Variants in MED12L observed in about 807,000 individuals in gnomAD.
The protein encoded by MED12L is mediator of RNA polymerase II transcription subunit 12-like protein.
Under a neutral mutation model 281.3 loss-of-function variants are expected in MED12L, and 60 were observed. The observed-to-expected ratio is 0.21, with a 90% CI of 0.17 to 0.26. MED12L has a LOEUF of 0.26. Among genes scored for constraint, MED12L ranks in the 10% least tolerant of loss-of-function variants. The pLI, the probability that MED12L is intolerant of heterozygous loss-of-function variation, is 1.00. For missense variants in MED12L, 2,146 were observed against 2,680.9 expected, an observed-to-expected ratio of 0.80 and a Z score of 4.41; for synonymous variants, 974 against 987.2, an observed-to-expected ratio of 0.99 and a Z score of 0.25.
rs529471592 is a variant in MED12L at position 151,357,922 on chromosome 3, C to T, written c.2825+546C>T. Among the ~76,000 whole-genome samples, 4 of 152,302 alleles carry T rather than the reference C, an allele frequency of 2.6e-5. No homozygotes were observed. In the South Asian group the frequency reaches 8.3e-4, roughly 32 times the overall value. ...CTACAGAATTAGCTAATACCACCCC[C>T]ATTAAAGACTGAGGCTAAGGCACCA... On this transcript the variant is annotated intron_variant, in intron 20 of 44. Transcript: ENST00000687756.
intron 3 of MED12L, among the ~76,000 whole-genome samples, chr3:151,121,369 C>T (rs1293957713): frequency 1.3e-5 from 2 of 152,180 alleles, no homozygotes; most frequent in Non-Finnish European, 2.9e-5. Flanking sequence ...TACGTTAACA[C>T]ACCAAAACCA....
chr3:151,436,505 TTAAA>T lies in MED12L; in HGVS notation c.*3707_*3710del, dbSNP rs1720240394. ...AGTTAAAAGTTTGTTTTGAGATCCA[TTAAA>T]TAAATCAGTATCATCAGTTCATAAT... On this transcript the variant is annotated 3_prime_UTR_variant, in exon 45 of 45. Coordinates refer to ENST00000687756, the MANE Select transcript of MED12L (RefSeq NM_001393769.1). 3 of 482,372 alleles carry T rather than the reference TTAAA, an allele frequency of 6.2e-6. No homozygotes were observed. The highest frequency in any genetic ancestry group is 3.3e-5 in the East Asian group (1 of 30,608). 29.9% of individuals were successfully genotyped at this position (482,372 alleles called of 1,614,324 possible). A position where few individuals can be genotyped will look rare whatever the true frequency, so the allele number is the denominator to read the frequency against.
chr3:151,330,889 GA>G (rs1011486094), intron 16 of MED12L, among the ~76,000 whole-genome samples: 146 of 151,646 alleles, frequency 9.6e-4, no homozygotes, highest in African/African-American at 3.3e-3. Flanking sequence ...TTCAGCAGAG[GA>G]AAAAAAATCC....
At chr3:151,378,640 A>G (rs545574711) in intron 31 of MED12L, among the ~76,000 whole-genome samples, 1 of 152,126 alleles carries the variant, frequency 6.6e-6, no homozygotes, top group Non-Finnish European at 1.5e-5. Context: ...GGCCACCACA[A>G]CTAATGTTTT....
At chr3:151,418,543 T>G (rs1717885077) in intron 43 of MED12L, among the ~76,000 whole-genome samples, 1 of 152,222 alleles carries the variant, frequency 6.6e-6, no homozygotes, top group South Asian at 2.1e-4. Context: ...TTTATCTGCC[T>G]AGATTAATCA....
At chr3:151,178,390 TAGG>T in intron 11 of MED12L, among the ~76,000 whole-genome samples, 1 of 140,112 alleles carries the variant, frequency 7.1e-6, no homozygotes. Context: ...GCATGTTACA[TAGG>T]AGTAAATATT....
At chr3:151,335,854 A>C (rs1380913517) in intron 16 of MED12L, among the ~76,000 whole-genome samples, 6 of 152,356 alleles carry the variant, frequency 3.9e-5, no homozygotes, top group Non-Finnish European at 8.8e-5. Context: ...CTCATAAAAC[A>C]TAGGTAATTT....
intron 11 of MED12L, among the ~76,000 whole-genome samples, chr3:151,178,157 C>CAAAAAAAAAAAAAAAAAA (rs10572929): frequency 6.1e-5 from 3 of 49,170 alleles, no homozygotes; most frequent in East Asian, 6.5e-4. Flanking sequence ...GACTTGGTCT[C>CAAAAAAAAAAAAAAAAAA]AAAAAAAAAA....
At chr3:151,335,742 T>C (rs1028667186) in intron 16 of MED12L, among the ~76,000 whole-genome samples, 1 of 152,212 alleles carries the variant, frequency 6.6e-6, no homozygotes, top group African/African-American at 2.4e-5. Flanking sequence ...TGAATGGGTT[T>C]AGTTTGATGT....
chr3:151,413,409 C>A, intron 42 of MED12L, 114 bp downstream of exon 42: 1 of 1,290,208 alleles, frequency 7.8e-7, no homozygotes, highest in East Asian at 2.4e-5. Context: ...CCAAGGATCC[C>A]TGTGGATTTG....
chr3:151,180,337 TA>T (rs1722564778), intron 11 of MED12L, among the ~76,000 whole-genome samples: 2 of 152,224 alleles, frequency 1.3e-5, no homozygotes, highest in South Asian at 4.1e-4. Flanking sequence ...TCCCAGGAGA[TA>T]CCGAAGGGGT....
chr3:151,301,330 C>G (rs1745891511), intron 16 of MED12L, among the ~76,000 whole-genome samples: 1 of 152,148 alleles, frequency 6.6e-6, no homozygotes, highest in Admixed American at 6.5e-5. Flanking sequence ...GGAAACATTT[C>G]AAGGAAATTG....
chr3:151,142,824 T>G (rs949517822), intron 5 of MED12L, among the ~76,000 whole-genome samples: 1 of 152,186 alleles, frequency 6.6e-6, no homozygotes, highest in African/African-American at 2.4e-5. Context: ...AAGCTTTTTT[T>G]TTTTTTAATT....
chr3:151,389,010 G>T (rs569263277), intron 37 of MED12L, among the ~76,000 whole-genome samples: 1 of 152,272 alleles, frequency 6.6e-6, no homozygotes, highest in Admixed American at 6.5e-5. Flanking sequence ...ACCTATGTGA[G>T]AACTAAAATA....
rs116537129 is a variant in MED12L at position 151,416,849 on chromosome 3, T to C, written c.6408+427T>C. Among the ~76,000 whole-genome samples the C allele has an allele frequency of 8.6e-3, 1,307 of 152,316 alleles. 17 individuals are homozygous for C. The highest frequency in any genetic ancestry group is 0.03 in the African/African-American group (1,251 of 41,554). On this transcript the variant is annotated intron_variant, in intron 43 of 44. Transcript: ENST00000687756. ...ATCTTCAATAAGAAATTGTTTTTCA[T>C]TCAGTTAGCACTTGCTGCAAGAGTT... is the stretch of plus-strand genomic sequence containing the variant.
chr3:151,379,384 A>G (rs936029849), intron 31 of MED12L, among the ~76,000 whole-genome samples: 3 of 152,230 alleles, frequency 2.0e-5, no homozygotes, highest in African/African-American at 7.2e-5. Context: ...TGTCTTTCCA[A>G]CATGGCGCTT....
intron 16 of MED12L, chr3:151,270,196 CG>C (rs1177675736): frequency 1.6e-5 from 2 of 128,066 alleles, no homozygotes; most frequent in South Asian, 2.1e-4. Context: ...AGCAAGCTGT[CG>C]TGTGTGTGTG....
intron 28 of MED12L, 128 bp downstream of exon 28, chr3:151,376,342 T>C: frequency 1.3e-6 from 1 of 745,808 alleles, no homozygotes; most frequent in Non-Finnish European, 2.0e-6. Context: ...TCCCACACAT[T>C]TTCTGTGGAA....
rs151012898 is a variant in MED12L at position 151,394,759 on chromosome 3, T to G, written c.5712T>G (p.Pro1904=). 9.6e-4 allele frequency: 1,552 copies of G among 1,614,258 alleles called. 4 individuals carry two copies. Among genetic ancestry groups the G allele is most frequent in the Middle Eastern group, 1.3e-3 (8 of 6,062 alleles). Reference sequence around the variant, plus strand: ...GCTCAGGCGCCATGATGCAGCCGCCTTCTCTTCATGCAATCACATCGCAGC... The same window carrying G: ...GCTCAGGCGCCATGATGCAGCCGCCGTCTCTTCATGCAATCACATCGCAGC... ...QRRSGAMMQP[P]SLHAITSQQQ... The change falls in exon 39 of 45, where the codon CCT becomes CCG. Residue 1904 remains proline (P), a synonymous_variant. Coordinates refer to ENST00000687756, the MANE Select transcript of MED12L (RefSeq NM_001393769.1).
Sources: allele counts gnomAD v4.1 joint callset (sites outside exome capture counted in the v4.1 genomes callset), GRCh38; gene constraint gnomAD v4.1.1; transcripts MANE v1.5; gene names NCBI Gene and HGNC (gene_info 2026-07-23, HGNC 2026-07-21).